The following MCF2L2 variants were observed in gnomAD, a reference collection of about 807,000 sequenced individuals.
MCF2L2 encodes the protein probable guanine nucleotide exchange factor MCF2L2.
MCF2L2 carries 102 observed loss-of-function variants against 150.2 expected under a neutral mutation model. The observed-to-expected ratio is 0.68, with a 90% CI of 0.58 to 0.80. MCF2L2 has a LOEUF of 0.80. Ranked by LOEUF, MCF2L2 falls within the 30% of genes least tolerant of loss-of-function variation. The pLI is 0.00. For synonymous variants in MCF2L2, 465 were observed against 491.3 expected (o/e 0.95, Z 0.71); for missense variants, 1,256 against 1,372.8 (o/e 0.91, Z 1.34).
intron 15 of MCF2L2, among the ~76,000 whole-genome samples, chr3:183,263,754 C>G (rs1402492113): frequency 2.6e-5 from 4 of 152,180 alleles, no homozygotes; most frequent in African/African-American, 9.7e-5. Context: ...AAATCAAATA[C>G]TCCTTCACTC....
At chr3:183,203,143 G>T (rs1722350061) in intron 25 of MCF2L2, among the ~76,000 whole-genome samples, 1 of 152,122 alleles carries the variant, frequency 6.6e-6, no homozygotes, top group Non-Finnish European at 1.5e-5. Flanking sequence ...AACCCAGGAG[G>T]CGGAGGTTGC....
chr3:183,214,740 A>G (rs1372101667), intron 22 of MCF2L2, among the ~76,000 whole-genome samples: 3 of 151,938 alleles, frequency 2.0e-5, no homozygotes, highest in African/African-American at 7.3e-5. Context: ...TAATCCCAGC[A>G]CTTTGGGAGG....
chr3:183,386,045 G>A (rs1404581416), intron 2 of MCF2L2, among the ~76,000 whole-genome samples: 1 of 152,202 alleles, frequency 6.6e-6, no homozygotes, highest in African/African-American at 2.4e-5. Context: ...CCAATACCAA[G>A]AGTTTCTATC....
rs536036363 is a variant in MCF2L2 at position 183,214,634 on chromosome 3, A to G, written c.2496+1335T>C. On this transcript the variant is annotated intron_variant, in intron 22 of 29. Coordinates refer to ENST00000328913, the MANE Select transcript of MCF2L2 (RefSeq NM_015078.4). ...GAAAAGAAAAAAAAAGAGAAGGAAA[A>G]AGTATAATATAATCACAAGTGACAA... Among the ~76,000 whole-genome samples, 26 of 152,214 alleles carry G rather than the reference A, an allele frequency of 1.7e-4. 1 individual carries two copies. In the South Asian group the frequency reaches 5.2e-3, roughly 30 times the overall value.
chr3:183,317,181 T>G (rs1729637283), intron 7 of MCF2L2, among the ~76,000 whole-genome samples: 1 of 152,174 alleles, frequency 6.6e-6, no homozygotes, highest in Non-Finnish European at 1.5e-5. Flanking sequence ...TCAATAAATG[T>G]TGAATAAACG....
chr3:183,335,226 A>C (rs1730428163), intron 5 of MCF2L2, among the ~76,000 whole-genome samples: 1 of 152,118 alleles, frequency 6.6e-6, no homozygotes, highest in Admixed American at 6.6e-5. Context: ...ATCCTAGAGT[A>C]GATCTTCTAC....
chr3:183,358,383 A>T (rs186591958), intron 3 of MCF2L2, among the ~76,000 whole-genome samples: 68 of 152,324 alleles, frequency 4.5e-4, no homozygotes, highest in African/African-American at 1.6e-3. Context: ...AGATACAGAA[A>T]GATAAACTGT....
At chr3:183,300,838 A>G (rs899862448) in intron 10 of MCF2L2, among the ~76,000 whole-genome samples, 4 of 151,688 alleles carry the variant, frequency 2.6e-5, no homozygotes, top group African/African-American at 9.7e-5. Flanking sequence ...CCAACGTGGA[A>G]AAACCCCGTC....
At chr3:183,339,015 A>C in intron 4 of MCF2L2, 96 bp from the exon 5 acceptor site, 42 of 1,277,956 alleles carry the variant, frequency 3.3e-5, no homozygotes, top group South Asian at 7.3e-5. Context: ...GATTAAGATC[A>C]CAGAAGGAAA....
Position 183,270,298 on chromosome 3 carries a change from A to G in MCF2L2, c.1862+6574T>C, listed in dbSNP as rs369857642. 3.3e-5 allele frequency: 53 copies of G among 1,614,106 alleles called. No homozygotes were observed. The highest frequency in any genetic ancestry group is 4.5e-5 in the Non-Finnish European group (53 of 1,180,044). The stretch of plus-strand genomic sequence containing the variant: ...CAAGACTTTGTTGATTCTTTCTACA[A>G]TCTTACTCTGAAATTACTTATGCAG... On this transcript the variant is annotated intron_variant, in intron 15 of 29. Coordinates refer to ENST00000328913, the MANE Select transcript of MCF2L2 (RefSeq NM_015078.4). This position sits in a 1 kb window ranked among gnomAD's most constrained non-coding sequence, Gnocchi z 4.5.
At chr3:183,318,767 C>G (rs958921800) in intron 6 of MCF2L2, among the ~76,000 whole-genome samples, 2 of 151,948 alleles carry the variant, frequency 1.3e-5, no homozygotes, top group African/African-American at 4.8e-5. Flanking sequence ...GTTATGTTTA[C>G]AGTATACTGT....
At chr3:183,423,565 A>T (rs1715994689) in intron 1 of MCF2L2, among the ~76,000 whole-genome samples, 1 of 151,510 alleles carries the variant, frequency 6.6e-6, no homozygotes, top group African/African-American at 2.4e-5. Context: ...GTGGAAAGTG[A>T]GCCATGCTGG....
intron 15 of MCF2L2, among the ~76,000 whole-genome samples, chr3:183,258,007 GC>G (rs1413970631): frequency 9.2e-6 from 1 of 108,370 alleles, no homozygotes; most frequent in African/African-American, 3.6e-5. Context: ...TCGCTCTGTT[GC>G]CCAGGCTGGA....
chr3:183,399,631 T>C (rs901103719), intron 1 of MCF2L2, among the ~76,000 whole-genome samples: 5 of 152,220 alleles, frequency 3.3e-5, no homozygotes, highest in Non-Finnish European at 7.3e-5. Flanking sequence ...TCTGAGACCA[T>C]CAGTCTGTTA....
Position 183,300,302 on chromosome 3 carries a change from C to T in MCF2L2, c.1114-106G>A, listed in dbSNP as rs564484040. 1.1e-3 allele frequency: 1,109 copies of T among 1,016,074 alleles called. 3 individuals carry two copies. Among genetic ancestry groups the T allele is most frequent in the Admixed American group, 2.2e-3 (67 of 29,982 alleles). The allele number at this position is 1,016,074 out of a possible 1,614,324, so 62.9% of individuals were successfully genotyped here. ...AGCCTGGAGGGAGGCTGTGGAGATG[C>T]TAACCCAGGATGAAGGCTGGAGAAC... On this transcript the variant is annotated intron_variant, in intron 10 of 29. Transcript: ENST00000328913.
intron 15 of MCF2L2, chr3:183,269,688 C>A: frequency 1.1e-6 from 1 of 950,324 alleles, no homozygotes; most frequent in Non-Finnish European, 1.6e-6. Flanking sequence ...TTTTTAATGA[C>A]CAACATGTAT....
intron 5 of MCF2L2, among the ~76,000 whole-genome samples, chr3:183,326,504 AAAAAAAAAAAAAC>A (rs1205168364): frequency 6.7e-6 from 1 of 148,834 alleles, no homozygotes; most frequent in African/African-American, 2.5e-5. Flanking sequence ...AAAAAAAAAA[AAAAAAAAAAAAAC>A]AAAAAAAAAC....
At chr3:183,366,096 T>C (rs1443753323) in intron 3 of MCF2L2, among the ~76,000 whole-genome samples, 2 of 152,122 alleles carry the variant, frequency 1.3e-5, no homozygotes, top group African/African-American at 2.4e-5. Flanking sequence ...AAAGACTTTA[T>C]GCAGGTTTGA....
chr3:183,203,401 GA>G (rs1487670108), intron 25 of MCF2L2, among the ~76,000 whole-genome samples: 1 of 152,092 alleles, frequency 6.6e-6, no homozygotes, highest in African/African-American at 2.4e-5. Context: ...TTTAAAGGAC[GA>G]AACAGAAATT....
Sources: gnomAD v4.1 joint callset for allele counts (sites outside exome capture counted in the v4.1 genomes callset) on GRCh38, gnomAD v4.1.1 for gene constraint, Gnocchi (gnomAD v3.1) non-coding constraint, MANE v1.5 for transcripts, NCBI Gene and HGNC (gene_info 2026-07-23, HGNC 2026-07-21) for gene names.